The following RER1 variants were observed in gnomAD, a reference collection of about 807,000 sequenced individuals.
RER1 encodes protein RER1.
RER1 carries 6 observed loss-of-function variants against 28.3 expected under a neutral mutation model. The observed-to-expected ratio is 0.21, with a 90% confidence interval of 0.12 to 0.42. The LOEUF is 0.42. Ranked by LOEUF, RER1 falls within the 10% of genes least tolerant of loss-of-function variation. The pLI, the probability that RER1 is intolerant of heterozygous loss-of-function variation, is 1.00. For missense variants in RER1, 159 were observed against 252.9 expected (o/e 0.63, Z 2.52); for synonymous variants, 110 against 95.9 (o/e 1.15, Z -0.86).
chr1:2,400,995 A>G (rs1642837575), intron 5 of RER1, 60 bp downstream of exon 5: 6 of 1,419,720 alleles, frequency 4.2e-6, no homozygotes, highest in Non-Finnish European at 6.0e-6. Flanking sequence ...TGAGACTGAG[A>G]CTACACTGAT....
chr1:2,392,646 T>G (rs544362863), intron 1 of RER1, among the ~76,000 whole-genome samples: 1 of 152,328 alleles, frequency 6.6e-6, no homozygotes, highest in South Asian at 2.1e-4. Flanking sequence ...GAGTAGAGAC[T>G]GGCCGCTAGT....
chr1:2,401,582 C>T (rs1047107931), intron 5 of RER1, among the ~76,000 whole-genome samples: 3 of 150,898 alleles, frequency 2.0e-5, no homozygotes, highest in Non-Finnish European at 4.4e-5. Flanking sequence ...CGTGTGCATC[C>T]GTTTGTCTTG....
intron 1 of RER1, chr1:2,394,177 G>C (rs1188894111): frequency 6.6e-6 from 1 of 152,240 alleles, no homozygotes; most frequent in Non-Finnish European, 1.5e-5. Context: ...TCAGTGGAGA[G>C]TAAAGGTGCT....
In RER1 at chr1:2,399,493, C is replaced by T. The variant is rs1642814177; in HGVS notation, c.265C>T (p.Pro89Ser). The T allele has an allele frequency of 1.2e-6, 2 of 1,611,068 alleles. No homozygotes were observed. Among genetic ancestry groups the T allele is most frequent in the Non-Finnish European group, 1.7e-6 (2 of 1,177,202 alleles). Residue 89 changes from proline (P) to serine (S), a missense_variant, in exon 4 of 7, where the codon CCT becomes TCT. Physicochemically the swap from Pro to Ser is moderately conservative, Grantham distance 74 (BLOSUM62 -1). Transcript: ENST00000605895. ...AGCTTTTCTTTCTCCCAAAGTGGAT[C>T]CTTCCTTAATGGAAGACTCAGGTAG... ...FIAFLSPKVD[P>S]SLMEDSDDGP...
intron 1 of RER1, 193 bp from the exon 2 acceptor site, chr1:2,395,591 C>T: frequency 1.7e-6 from 1 of 580,528 alleles, no homozygotes; most frequent in East Asian, 2.9e-5. Flanking sequence ...GCGTCTCACG[C>T]TGCCCTTCCT....
chr1:2,396,394 AG>A (rs1642768272), intron 2 of RER1: 1 of 154,460 alleles, frequency 6.5e-6, no homozygotes, highest in Non-Finnish European at 1.4e-5. Flanking sequence ...CCAGGTGCTG[AG>A]GATCCGGCTC....
At chr1:2,401,338 C>T (rs1570084074) in intron 5 of RER1, among the ~76,000 whole-genome samples, 3 of 16,990 alleles carry the variant, frequency 1.8e-4, no homozygotes, top group East Asian at 2.6e-3. Flanking sequence ...CCTCCTCCCT[C>T]CTTCTCCCTC....
intron 2 of RER1, among the ~76,000 whole-genome samples, chr1:2,396,815 G>GT (rs1642774818): frequency 6.6e-6 from 1 of 152,268 alleles, no homozygotes; most frequent in African/African-American, 2.4e-5. Context: ...TTTGGGGTGA[G>GT]GCTGGGTCTT....
rs528494364 is a variant in RER1 at position 2,400,690 on chromosome 1, T to C, written c.287-167T>C. Among the ~76,000 whole-genome samples, 18 of 152,354 alleles carry C rather than the reference T, an allele frequency of 1.2e-4. No homozygotes were observed. The South Asian group carries it at 3.7e-3, about 32-fold the overall frequency. On this transcript the variant is annotated intron_variant, in intron 4 of 6. Transcript: ENST00000605895. ...CACCTTCTGAAAGCAGTGAATTGGATGTGTCAGTTGACCACAGACCCCCGT... is the reference window on the plus strand; with the variant it reads ...CACCTTCTGAAAGCAGTGAATTGGACGTGTCAGTTGACCACAGACCCCCGT...
At chr1:2,400,792 GA>G in intron 4 of RER1, 64 bp from the exon 5 acceptor site, 5 of 1,332,110 alleles carry the variant, frequency 3.8e-6, no homozygotes, top group Non-Finnish European at 5.4e-6. Context: ...GCCTTGAGGG[GA>G]AAAGGTAGAA....
At chr1:2,401,544 G>A (rs551067069) in intron 5 of RER1, among the ~76,000 whole-genome samples, 1 of 150,482 alleles carries the variant, frequency 6.6e-6, no homozygotes, top group South Asian at 2.1e-4. Flanking sequence ...GGCAGAGGTG[G>A]GTGGTGCAGC....
chr1:2,401,909 C>T, intron 5 of RER1: 4 of 971,200 alleles, frequency 4.1e-6, no homozygotes, highest in Non-Finnish European at 5.9e-6. Flanking sequence ...ATCGCAGGCC[C>T]AGCCAGCAGG....
At position 2,399,362 on chromosome 1, in the gene RER1, C is replaced by T. The variant is rs115786697; in HGVS notation, c.187-53C>T. ...ACCGGAGTGCAAACGTGAACTGGCT[C>T]AGGCTGATGGACGGTCAGAGTGCAC... On this transcript the variant is annotated intron_variant, in intron 3 of 6. Transcript: ENST00000605895. The T allele has an allele frequency of 6.8e-4, 862 of 1,260,150 alleles. 4 individuals carry two copies. The African/African-American group carries it at 0.012, about 17-fold the overall frequency. 78.1% of individuals were successfully genotyped at this position (1,260,150 alleles called of 1,614,324 possible).
chr1:2,395,947 T>C (rs1290914820), intron 2 of RER1, 76 bp downstream of exon 2: 2 of 1,104,140 alleles, frequency 1.8e-6, no homozygotes, highest in Admixed American at 3.5e-5. Flanking sequence ...GGGAAGGATC[T>C]GTTTGCTGGT....
intron 4 of RER1, 60 bp downstream of exon 4, chr1:2,399,574 G>A: frequency 9.7e-7 from 1 of 1,030,714 alleles, no homozygotes; most frequent in South Asian, 1.3e-5. Context: ...TTTCTGATGG[G>A]ATTGCCCAGT....
intron 4 of RER1, 74 bp downstream of exon 4, chr1:2,399,588 C>T (rs1040398008): frequency 2.2e-6 from 2 of 889,972 alleles, no homozygotes; most frequent in East Asian, 2.4e-5. Flanking sequence ...GCCCAGTGTT[C>T]TCTGGAAACA....
chr1:2,400,162 C>T (rs151271315), intron 4 of RER1, among the ~76,000 whole-genome samples: 100 of 152,334 alleles, frequency 6.6e-4, no homozygotes, highest in Non-Finnish European at 1.1e-3. Flanking sequence ...ACGTGGTGGC[C>T]ATTGAGGGAA....
intron 5 of RER1, 175 bp from the exon 6 acceptor site, chr1:2,402,032 T>C: frequency 6.5e-7 from 1 of 1,546,892 alleles, no homozygotes; most frequent in Non-Finnish European, 8.7e-7. Context: ...GCAGTACATG[T>C]CTGTGAGCTA....
At chr1:2,402,734 G>T (rs552681884) in intron 6 of RER1, among the ~76,000 whole-genome samples, 2 of 152,226 alleles carry the variant, frequency 1.3e-5, no homozygotes, top group Non-Finnish European at 2.9e-5. Context: ...TCGTGCTGCG[G>T]GCCTCACTCT....
Sources: gnomAD v4.1 joint callset for allele counts (sites outside exome capture counted in the v4.1 genomes callset) on GRCh38, gnomAD v4.1.1 for gene constraint, MANE v1.5 for transcripts, NCBI Gene and HGNC (gene_info 2026-07-23, HGNC 2026-07-21) for gene names.